The following XPO1 variants were observed in gnomAD, a reference collection of about 807,000 sequenced individuals.
The protein encoded by XPO1 is exportin 1, also known as exportin-1.
XPO1 carries 5 observed loss-of-function variants against 133.3 expected under a neutral mutation model. The observed-to-expected ratio is 0.04, with a 90% CI of 0.02 to 0.08. The LOEUF (loss-of-function observed/expected upper bound fraction) is 0.08, where lower values mean the gene tolerates loss of function less well. Among genes scored for constraint, XPO1 ranks in the 10% least tolerant of loss-of-function variants. The pLI is 1.00. For missense variants in XPO1, 506 were observed against 1,267.5 expected, an observed-to-expected ratio of 0.40 and a Z score of 9.12; for synonymous variants, 419 against 408.2, an observed-to-expected ratio of 1.03 and a Z score of -0.32.
At chr2:61,517,403 G>A (rs1323317151) in intron 4 of XPO1, among the ~76,000 whole-genome samples, 1 of 152,106 alleles carries the variant, frequency 6.6e-6, no homozygotes, top group African/African-American at 2.4e-5. Flanking sequence ...GGACAACATA[G>A]GCAAACTGTG....
At chr2:61,505,733 A>G (rs1225642350) in intron 4 of XPO1, among the ~76,000 whole-genome samples, 1 of 151,076 alleles carries the variant, frequency 6.6e-6, no homozygotes, top group Admixed American at 6.6e-5. Context: ...TTTTTTTTGT[A>G]TTTTCACTAG....
chr2:61,487,484 G>T (rs1696752189), intron 19 of XPO1, among the ~76,000 whole-genome samples: 1 of 150,088 alleles, frequency 6.7e-6, no homozygotes, highest in Non-Finnish European at 1.5e-5. Context: ...TCCTTAACAA[G>T]AAACAATACT....
At chr2:61,482,310 G>T in intron 23 of XPO1, 70 bp downstream of exon 23, 1 of 1,402,772 alleles carries the variant, frequency 7.1e-7, no homozygotes, top group Non-Finnish European at 9.6e-7. Context: ...TTCCCAAAGT[G>T]CTGGGATTAC....
chr2:61,482,032 GCC>G (rs1491271843), intron 23 of XPO1, among the ~76,000 whole-genome samples: 3 of 22,946 alleles, frequency 1.3e-4, no homozygotes, highest in East Asian at 1.3e-3. Flanking sequence ...ACCGTGCGTG[GCC>G]TTTTTTTTTT....
chr2:61,482,683 G>A, intron 22 of XPO1, 144 bp from the exon 23 acceptor site: 1 of 843,450 alleles, frequency 1.2e-6, no homozygotes, highest in East Asian at 2.8e-5. Context: ...TTAGTTCACT[G>A]CAACCTCTGC....
At chr2:61,481,873 T>A (rs1696377239) in intron 23 of XPO1, among the ~76,000 whole-genome samples, 1 of 151,664 alleles carries the variant, frequency 6.6e-6, no homozygotes, top group Non-Finnish European at 1.5e-5. Context: ...GTAGCTGGGA[T>A]TTCAGGCACC....
At chr2:61,505,587 G>A (rs886397574) in intron 4 of XPO1, among the ~76,000 whole-genome samples, 1 of 151,466 alleles carries the variant, frequency 6.6e-6, no homozygotes, top group Admixed American at 6.6e-5. Context: ...TTGAGACAGA[G>A]CCTCACTGTA....
Position 61,498,748 on chromosome 2 carries a change from T to C in XPO1, c.684A>G (p.Thr228=). 3.7e-6 allele frequency: 6 copies of C among 1,614,108 alleles called. No individual in the cohort carries two copies. Among genetic ancestry groups the C allele is most frequent in the Non-Finnish European group, 4.2e-6 (5 of 1,180,002 alleles). ...NAPLVHATLE[T]LLRFLNWIPL... is the part of the protein sequence containing the mutation. ...GAATCCAGTTCAGAAATCTGAGCAA[T>C]GTTTCCAAGGTTGCATGTACAAGTG... The change falls in exon 9 of 25, where the codon ACA becomes ACG. Residue 228 remains threonine, a synonymous_variant. Coordinates refer to ENST00000401558, the MANE Select transcript of XPO1 (RefSeq NM_003400.4).
At chr2:61,513,577 G>A (rs1326903429) in intron 4 of XPO1, among the ~76,000 whole-genome samples, 2 of 150,794 alleles carry the variant, frequency 1.3e-5, no homozygotes, top group Middle Eastern at 3.5e-3. Context: ...TGCCTGCCTC[G>A]GCCTCCCAAA....
At chr2:61,502,781 C>G (rs1466477353) in intron 4 of XPO1, among the ~76,000 whole-genome samples, 2 of 151,602 alleles carry the variant, frequency 1.3e-5, no homozygotes, top group Non-Finnish European at 2.9e-5. Flanking sequence ...ATGTGCTATT[C>G]ATATTTTTAA....
chr2:61,533,754 TTTGG>T lies in XPO1; in HGVS notation c.126+14_126+17del, dbSNP rs1699256842. 6.4e-7 allele frequency: 1 copy of T among 1,572,904 alleles called. No homozygotes were observed. The highest frequency in any genetic ancestry group is 2.3e-5 in the East Asian group (1 of 43,562). On this transcript the variant is annotated intron_variant, in intron 2 of 24. Coordinates refer to ENST00000401558, the MANE Select transcript of XPO1 (RefSeq NM_003400.4). ...TTACACTGTCATAATGTTATAAAGTTTTGGTTGGCTACTTTACCTGGGCTCCTTC... is the reference window on the plus strand; with the variant it reads ...TTACACTGTCATAATGTTATAAAGTTTTGGCTACTTTACCTGGGCTCCTTC...
At chr2:61,484,244 TA>T (rs1696556800) in intron 20 of XPO1, 139 bp from the exon 21 acceptor site, 1 of 658,966 alleles carries the variant, frequency 1.5e-6, no homozygotes, top group African/African-American at 1.8e-5. Flanking sequence ...TCCTGAAAGG[TA>T]AACCCAAGTA....
chr2:61,496,410 A>G (rs1199621881), intron 10 of XPO1, among the ~76,000 whole-genome samples: 4 of 152,094 alleles, frequency 2.6e-5, no homozygotes, highest in Non-Finnish European at 5.9e-5. Context: ...TGGTCTGGTT[A>G]TGTTGTCCTG....
chr2:61,536,995 C>T (rs1392381401), intron 1 of XPO1: 1 of 152,116 alleles, frequency 6.6e-6, no homozygotes, highest in East Asian at 1.9e-4. Flanking sequence ...ATGTGCAGGC[C>T]CCTGAAAAAC....
chr2:61,510,679 T>G (rs1305740829), intron 4 of XPO1, among the ~76,000 whole-genome samples: 1 of 152,110 alleles, frequency 6.6e-6, no homozygotes, highest in African/African-American at 2.4e-5. Context: ...AGCTCTTGAC[T>G]GTAATCTAAA....
chr2:61,489,001 T>G lies in XPO1; in HGVS notation c.2023-230A>C, dbSNP rs1026965284. 4.0e-5 allele frequency among the ~76,000 whole-genome samples: 6 copies of G among 150,952 alleles called. No homozygotes were observed. The South Asian group carries it at 8.4e-4, about 21-fold the overall frequency. ...CCTGTAGTCCCACCTACTCGGGAGGTTGAGGCAGGAGAACGGCGTGAACGC... is the reference window on the plus strand; with the variant it reads ...CCTGTAGTCCCACCTACTCGGGAGGGTGAGGCAGGAGAACGGCGTGAACGC... On this transcript the variant is annotated intron_variant, in intron 17 of 24. Transcript: ENST00000401558.
At chr2:61,497,137 A>C in intron 9 of XPO1, 130 bp from the exon 10 acceptor site, 1 of 1,174,906 alleles carries the variant, frequency 8.5e-7, no homozygotes, top group East Asian at 2.6e-5. Flanking sequence ...AGGCCAAGTG[A>C]ATGAACATAT....
In XPO1 at chr2:61,477,852, T is replaced by TTC; in HGVS notation, c.*966_*967dup. The TTC allele has an allele frequency of 5.2e-6, 1 of 193,634 alleles. No homozygotes were observed. The highest frequency in any genetic ancestry group is 2.3e-5 in the African/African-American group (1 of 43,210). The allele number at this position is 193,634 out of a possible 1,614,324, so 12.0% of individuals were successfully genotyped here. A position where few individuals can be genotyped will look rare whatever the true frequency, so the allele number is the denominator to read the frequency against. ...TTGTTTGTAAATCAAGGGGTCCAAC[T>TTC]TCATTTAAAATGTTACTTGATGCTT... On this transcript the variant is annotated 3_prime_UTR_variant, in exon 25 of 25. Transcript: ENST00000401558.
intron 24 of XPO1, 114 bp downstream of exon 24, chr2:61,481,071 T>C (rs1444039027): frequency 1.6e-6 from 1 of 629,320 alleles, no homozygotes; most frequent in Non-Finnish European, 2.6e-6. Flanking sequence ...AAACGTATTA[T>C]CTTGAAACCC....
Sources: gnomAD v4.1 joint callset for allele counts (sites outside exome capture counted in the v4.1 genomes callset) on GRCh38, gnomAD v4.1.1 for gene constraint, MANE v1.5 for transcripts, NCBI Gene and HGNC (gene_info 2026-07-23, HGNC 2026-07-21) for gene names.